The following MARCHF1 variants were observed in gnomAD, a reference collection of about 807,000 sequenced individuals.
The protein encoded by MARCHF1 is membrane associated ring-CH-type finger 1.
MARCHF1 carries 40 observed loss-of-function variants against 54.2 expected under a neutral mutation model. That is an observed-to-expected ratio of 0.74 (90% CI 0.57 to 0.96). The LOEUF (loss-of-function observed/expected upper bound fraction) is 0.96. Among genes scored for constraint, MARCHF1 ranks in the 40% least tolerant of loss-of-function variants. The pLI, the probability that MARCHF1 is intolerant of heterozygous loss-of-function variation, is 0.00. For missense variants in MARCHF1, 586 were observed against 656.5 expected, an observed-to-expected ratio of 0.89 and a Z score of 1.17; for synonymous variants, 236 against 236.3, an observed-to-expected ratio of 1.00 and a Z score of 0.01.
chr4:163,601,970 C>T (rs1740986791), intron 7 of MARCHF1, among the ~76,000 whole-genome samples: 2 of 151,322 alleles, frequency 1.3e-5, no homozygotes, highest in Admixed American at 1.3e-4. Flanking sequence ...TCATTTCATC[C>T]CTGGAAAGAT....
At chr4:164,061,326 TC>T (rs1754610349) in intron 2 of MARCHF1, among the ~76,000 whole-genome samples, 1 of 151,994 alleles carries the variant, frequency 6.6e-6, no homozygotes, top group Non-Finnish European at 1.5e-5. Context: ...ATTATTTTTG[TC>T]TTTCATCAAT....
At chr4:164,058,844 G>A (rs1361846445) in intron 2 of MARCHF1, among the ~76,000 whole-genome samples, 1 of 152,186 alleles carries the variant, frequency 6.6e-6, no homozygotes, top group African/African-American at 2.4e-5. Context: ...CACAGATATA[G>A]AAACCAATGA....
At chr4:164,290,628 G>T (rs919681961) in intron 1 of MARCHF1, among the ~76,000 whole-genome samples, 1 of 151,750 alleles carries the variant, frequency 6.6e-6, no homozygotes, top group African/African-American at 2.4e-5. Flanking sequence ...TGCATTAAGT[G>T]GGAATTTCAA....
chr4:163,859,660 C>T (rs992566784), intron 3 of MARCHF1, among the ~76,000 whole-genome samples: 1 of 152,002 alleles, frequency 6.6e-6, no homozygotes, highest in African/African-American at 2.4e-5. Context: ...TGTGCCCGGG[C>T]GAGAAAAGCT....
chr4:163,891,480 G>A (rs1392309417), intron 3 of MARCHF1, among the ~76,000 whole-genome samples: 2 of 148,078 alleles, frequency 1.4e-5, no homozygotes, highest in East Asian at 2.0e-4. Flanking sequence ...TTTTTTTTCC[G>A]AATTATGTTT....
intron 1 of MARCHF1, among the ~76,000 whole-genome samples, chr4:164,299,132 T>C (rs1734485972): frequency 6.6e-6 from 1 of 152,172 alleles, no homozygotes; most frequent in South Asian, 2.1e-4. Context: ...AACATTAAAC[T>C]CTTATTCATC....
In MARCHF1 at chr4:164,254,219, T is replaced by G. The variant is rs147244485; in HGVS notation, c.-323+129651A>C. Among the ~76,000 whole-genome samples, 430 of 151,856 alleles carry G rather than the reference T, an allele frequency of 2.8e-3. 2 individuals are homozygous for G. The highest frequency in any genetic ancestry group is 9.7e-3 in the African/African-American group (401 of 41,434). Reference sequence around the variant, plus strand: ...GGTGTGTGCCACCATGCCTGGCTAATTTTTGTATTTTTAGTAGAGATGGGA... The same window carrying G: ...GGTGTGTGCCACCATGCCTGGCTAAGTTTTGTATTTTTAGTAGAGATGGGA... On this transcript the variant is annotated intron_variant, in intron 1 of 9. Coordinates refer to ENST00000514618, the MANE Select transcript of MARCHF1 (RefSeq NM_001394959.1).
chr4:163,741,057 C>G (rs1048702121), intron 4 of MARCHF1, among the ~76,000 whole-genome samples: 2 of 152,134 alleles, frequency 1.3e-5, no homozygotes, highest in African/African-American at 4.8e-5. Context: ...GTCTTTGTAG[C>G]ACACAGTGAA....
At chr4:163,981,626 C>T (rs1045019456) in intron 3 of MARCHF1, among the ~76,000 whole-genome samples, 9 of 152,170 alleles carry the variant, frequency 5.9e-5, no homozygotes, top group African/African-American at 1.9e-4. Flanking sequence ...TGCTGTCAGT[C>T]TGTGATCCTC....
chr4:164,194,757 A>T (rs1026617553), intron 1 of MARCHF1, among the ~76,000 whole-genome samples: 5 of 152,088 alleles, frequency 3.3e-5, no homozygotes, highest in Admixed American at 1.3e-4. Flanking sequence ...AGAAATTCTA[A>T]AGTAAATTGT....
chr4:164,170,456 C>G (rs1187433391), intron 1 of MARCHF1, among the ~76,000 whole-genome samples: 1 of 151,964 alleles, frequency 6.6e-6, no homozygotes, highest in East Asian at 1.9e-4. Flanking sequence ...GTTTATTGAG[C>G]CTGCATCAAT....
intron 1 of MARCHF1, among the ~76,000 whole-genome samples, chr4:164,297,753 T>A (rs1175581135): frequency 6.6e-6 from 1 of 152,176 alleles, no homozygotes; most frequent in Non-Finnish European, 1.5e-5. Context: ...AGTGAATGAA[T>A]ACAATACAGG....
intron 3 of MARCHF1, among the ~76,000 whole-genome samples, chr4:163,964,258 A>T (rs910630087): frequency 4.0e-5 from 6 of 151,422 alleles, no homozygotes; most frequent in African/African-American, 1.5e-4. Flanking sequence ...AACAGAAAAT[A>T]ACTTTTTTTA....
intron 4 of MARCHF1, among the ~76,000 whole-genome samples, chr4:163,762,079 G>C (rs1746841724): frequency 6.6e-6 from 1 of 152,138 alleles, no homozygotes; most frequent in African/African-American, 2.4e-5. Flanking sequence ...CTCTTAACTA[G>C]CTAAATGAGG....
chr4:163,766,765 G>C (rs1230252245), intron 4 of MARCHF1, among the ~76,000 whole-genome samples: 4 of 152,122 alleles, frequency 2.6e-5, no homozygotes, highest in African/African-American at 9.7e-5. Context: ...TTTAGAGCTA[G>C]TGGATTATTT....
chr4:163,822,932 T>C (rs1748735640), intron 4 of MARCHF1, among the ~76,000 whole-genome samples: 1 of 151,898 alleles, frequency 6.6e-6, no homozygotes, highest in Non-Finnish European at 1.5e-5. Flanking sequence ...AACCCTGTTA[T>C]AAACTGTAGA....
intron 7 of MARCHF1, among the ~76,000 whole-genome samples, chr4:163,593,757 G>A (rs1365629398): frequency 6.6e-6 from 1 of 152,154 alleles, no homozygotes; most frequent in Admixed American, 6.6e-5. Context: ...CATTGAATTA[G>A]AAATACGCCT....
intron 4 of MARCHF1, among the ~76,000 whole-genome samples, chr4:163,777,118 C>G (rs965912188): frequency 6.6e-6 from 1 of 152,162 alleles, no homozygotes; most frequent in Non-Finnish European, 1.5e-5. Flanking sequence ...GGTCAGGACA[C>G]TGTCTTCTCA....
At chr4:163,548,180 A>G (rs549323987) in intron 8 of MARCHF1, among the ~76,000 whole-genome samples, 20 of 152,324 alleles carry the variant, frequency 1.3e-4, no homozygotes, top group African/African-American at 4.8e-4. Context: ...TTATTTGGCA[A>G]TAGCATTTTG....
Sources: gnomAD v4.1 joint callset for allele counts (sites outside exome capture counted in the v4.1 genomes callset) on GRCh38, gnomAD v4.1.1 for gene constraint, MANE v1.5 for transcripts, NCBI Gene and HGNC (gene_info 2026-07-23, HGNC 2026-07-21) for gene names.